Variants in FMN2 observed in about 807,000 individuals in gnomAD.
FMN2 encodes formin 2.
A neutral mutation model predicts 142.3 loss-of-function variants in FMN2; 51 were observed. That is an observed-to-expected ratio of 0.36 (90% CI 0.29 to 0.45). FMN2 has a LOEUF of 0.45. Among genes scored for constraint, FMN2 ranks in the 20% least tolerant of loss-of-function variants. FMN2 has a pLI of 1.00. For synonymous variants in FMN2, 882 were observed against 869.8 expected (o/e 1.01, Z -0.25); for missense variants, 1,936 against 2,122.8 (o/e 0.91, Z 1.73).
At chr1:240,185,219 T>A (rs1665382797) in intron 3 of FMN2, among the ~76,000 whole-genome samples, 1 of 151,948 alleles carries the variant, frequency 6.6e-6, no homozygotes, top group Admixed American at 6.6e-5. Context: ...CTTCTCTTTC[T>A]TTTATTCTGT....
chr1:240,452,127 G>A (rs774138111), intron 16 of FMN2, among the ~76,000 whole-genome samples: 2 of 151,622 alleles, frequency 1.3e-5, no homozygotes, highest in African/African-American at 2.4e-5. Context: ...GGAGGCAGGG[G>A]TTGCAGTGAG....
chr1:240,301,253 T>G, intron 8 of FMN2, among the ~76,000 whole-genome samples: 1 of 151,940 alleles, frequency 6.6e-6, no homozygotes, highest in South Asian at 2.1e-4. Context: ...TAACCTTTTA[T>G]ACTCTACTTA....
At chr1:240,442,579 T>A (rs1043394572) in intron 16 of FMN2, among the ~76,000 whole-genome samples, 1 of 152,226 alleles carries the variant, frequency 6.6e-6, no homozygotes, top group Non-Finnish European at 1.5e-5. Flanking sequence ...GTGTTAATGG[T>A]GTCCTTGAAA....
intron 8 of FMN2, among the ~76,000 whole-genome samples, chr1:240,316,567 G>T (rs1053006536): frequency 2.0e-5 from 3 of 152,190 alleles, no homozygotes; most frequent in Non-Finnish European, 2.9e-5. Flanking sequence ...TTCAGGGGAA[G>T]ACTCAACAGG....
At chr1:240,101,491 CGTGT>C (rs140467095) in intron 1 of FMN2, among the ~76,000 whole-genome samples, 3 of 150,576 alleles carry the variant, frequency 2.0e-5, no homozygotes, top group East Asian at 1.9e-4. Flanking sequence ...ACAATAGGAC[CGTGT>C]GTGTGTGTGT....
At chr1:240,241,905 C>T (rs954276975) in intron 6 of FMN2, among the ~76,000 whole-genome samples, 18 of 143,638 alleles carry the variant, frequency 1.3e-4, no homozygotes, top group Non-Finnish European at 2.6e-4. Context: ...TCACTGCAAG[C>T]TCCGATCTCG....
At chr1:240,301,785 C>T (rs1194713910) in intron 8 of FMN2, among the ~76,000 whole-genome samples, 2 of 151,668 alleles carry the variant, frequency 1.3e-5, no homozygotes, top group African/African-American at 4.8e-5. Context: ...CTTCTACTGC[C>T]TTTAGGTTTT....
rs543186476 is a variant in FMN2, at chr1:240,388,754, C to T, written c.4859-3757C>T. On this transcript the variant is annotated intron_variant, in intron 14 of 17. Transcript: ENST00000319653. ...GCATGCGCCTGTAATCCCAACTACT[C>T]GGGAGGCTGAGACAGGAGAATCACT... Among the ~76,000 whole-genome samples the T allele has an allele frequency of 5.3e-5, 8 of 150,074 alleles. No homozygotes were observed. The South Asian group carries it at 6.4e-4, about 12-fold the overall frequency.
intron 16 of FMN2, among the ~76,000 whole-genome samples, chr1:240,440,526 T>C (rs1484435631): frequency 6.6e-6 from 1 of 152,206 alleles, no homozygotes; most frequent in Non-Finnish European, 1.5e-5. Context: ...GTGCTTGTCA[T>C]GTCCTAGAAC....
At position 240,143,446 on chromosome 1, in the gene FMN2, A is replaced by T. The variant is rs768568616; in HGVS notation, c.1782+20101A>T. ...AACAGCCACTCCCTGATGTGCTCCC[A>T]TGTCAGCAGGGGTTTCCTTTTTGTC... On this transcript the variant is annotated intron_variant, in intron 2 of 17. Coordinates refer to ENST00000319653, the MANE Select transcript of FMN2 (RefSeq NM_020066.5). The T allele has an allele frequency of 3.4e-6, 5 of 1,471,410 alleles. No homozygotes were observed. In the East Asian group the frequency reaches 9.1e-5, roughly 27 times the overall value. The allele number at this position is 1,471,410 out of a possible 1,614,324, so 91.1% of individuals were successfully genotyped here.
intron 6 of FMN2, among the ~76,000 whole-genome samples, chr1:240,245,749 G>A (rs1215770858): frequency 6.6e-6 from 1 of 152,150 alleles, no homozygotes; most frequent in East Asian, 1.9e-4. Context: ...GCCCAGGGAG[G>A]TGCAGTGCCT....
chr1:240,221,641 G>A (rs543432885), intron 6 of FMN2, among the ~76,000 whole-genome samples: 2 of 151,904 alleles, frequency 1.3e-5, no homozygotes, highest in African/African-American at 2.4e-5. Context: ...TAGCCCTTTT[G>A]TCAGATGGAT....
chr1:240,186,601 G>T (rs927307317), intron 3 of FMN2, among the ~76,000 whole-genome samples: 14 of 152,232 alleles, frequency 9.2e-5, no homozygotes, highest in African/African-American at 3.1e-4. Flanking sequence ...ACAGAGTGGG[G>T]CTTGCAGATT....
intron 14 of FMN2, among the ~76,000 whole-genome samples, chr1:240,381,664 A>T (rs1558462839): frequency 6.6e-6 from 1 of 152,140 alleles, no homozygotes; most frequent in Non-Finnish European, 1.5e-5. Flanking sequence ...TCCTGACCTC[A>T]GGTGATCTGC....
At chr1:240,314,376 A>G (rs538671355) in intron 8 of FMN2, among the ~76,000 whole-genome samples, 1 of 152,340 alleles carries the variant, frequency 6.6e-6, no homozygotes, top group African/African-American at 2.4e-5. Context: ...CGTCTATGCC[A>G]GATTCACATT....
At chr1:240,360,715 C>T (rs374056876) in intron 14 of FMN2, among the ~76,000 whole-genome samples, 4 of 152,170 alleles carry the variant, frequency 2.6e-5, no homozygotes, top group East Asian at 1.9e-4. Context: ...AGACTTGGAA[C>T]CAACCCAAAT....
At chr1:240,253,748 T>C (rs1668356897) in intron 6 of FMN2, among the ~76,000 whole-genome samples, 1 of 152,210 alleles carries the variant, frequency 6.6e-6, no homozygotes, top group Non-Finnish European at 1.5e-5. Flanking sequence ...TTTGCTTTTA[T>C]AGGGGAGGAC....
At chr1:240,250,122 G>A (rs773620029) in intron 6 of FMN2, among the ~76,000 whole-genome samples, 5 of 152,054 alleles carry the variant, frequency 3.3e-5, no homozygotes, top group Non-Finnish European at 7.4e-5. Flanking sequence ...CTAGCACTAT[G>A]TTATGTTAAG....
intron 15 of FMN2, among the ~76,000 whole-genome samples, chr1:240,406,037 C>A (rs1404700622): frequency 7.5e-4 from 107 of 143,398 alleles, no homozygotes; most frequent in South Asian, 1.3e-3. Context: ...GAAGCAGCGT[C>A]AGGAGTCGGG....
Sources: gnomAD v4.1 joint callset for allele counts (sites outside exome capture counted in the v4.1 genomes callset) on GRCh38, gnomAD v4.1.1 for gene constraint, MANE v1.5 for transcripts, NCBI Gene and HGNC (gene_info 2026-07-23, HGNC 2026-07-21) for gene names.